SLC6A5: variants seen among roughly 807,000 people sequenced by gnomAD.
SLC6A5 encodes the protein sodium- and chloride-dependent glycine transporter 2.
Under a neutral mutation model 90.5 loss-of-function variants are expected in SLC6A5, and 58 were observed. The observed-to-expected ratio is 0.64, with a 90% confidence interval of 0.52 to 0.80. The LOEUF is 0.80. Among genes scored for constraint, SLC6A5 ranks in the 30% least tolerant of loss-of-function variants. The pLI, the probability that SLC6A5 is intolerant of heterozygous loss-of-function variation, is 0.00. For synonymous variants in SLC6A5, 427 were observed against 401.4 expected, an observed-to-expected ratio of 1.06 and a Z score of -0.76; for missense variants, 1,015 against 1,017.6, an observed-to-expected ratio of 1.00 and a Z score of 0.03.
At chr11:20,613,685 G>A (rs1002582915) in intron 5 of SLC6A5, among the ~76,000 whole-genome samples, 40 of 21,716 alleles carry the variant, frequency 1.8e-3, no homozygotes, top group African/African-American at 2.5e-3. Context: ...AAGAGACAGG[G>A]TCTTGCTTCA....
chr11:20,654,127 A>C (rs1355995281), intron 15 of SLC6A5, among the ~76,000 whole-genome samples: 1 of 152,220 alleles, frequency 6.6e-6, no homozygotes, highest in African/African-American at 2.4e-5. Flanking sequence ...GCAAGAACCC[A>C]CACTGCTGAA....
intron 14 of SLC6A5, among the ~76,000 whole-genome samples, chr11:20,649,193 T>G (rs1853477964): frequency 6.6e-6 from 1 of 152,210 alleles, no homozygotes. Context: ...TGTGCTTTAC[T>G]TAGTTTCTAA....
intron 6 of SLC6A5, among the ~76,000 whole-genome samples, chr11:20,615,460 T>C (rs909654418): frequency 3.3e-5 from 5 of 152,100 alleles, no homozygotes; most frequent in African/African-American, 1.2e-4. Context: ...CCTCTGCCTC[T>C]GGGTTCAAGT....
intron 10 of SLC6A5, among the ~76,000 whole-genome samples, chr11:20,633,981 C>T (rs1305808377): frequency 6.6e-6 from 1 of 152,132 alleles, no homozygotes; most frequent in African/African-American, 2.4e-5. Context: ...ACACCATTCT[C>T]CTGCCTCAGC....
At chr11:20,651,499 C>G (rs574906103) in intron 14 of SLC6A5, among the ~76,000 whole-genome samples, 28 of 150,738 alleles carry the variant, frequency 1.9e-4, no homozygotes, top group African/African-American at 6.6e-4. Context: ...GTCTCAAACT[C>G]CTGACCTCAG....
Position 20,646,923 on chromosome 11 carries a change from A to C in SLC6A5, c.2059A>C (p.Thr687Pro), listed in dbSNP as rs769892184. The C allele has an allele frequency of 1.2e-6, 2 of 1,608,576 alleles. No individual in the cohort carries two copies. Among genetic ancestry groups the C allele is most frequent in the East Asian group, 4.5e-5 (2 of 44,828 alleles). ...AGTCTGCTGGGCATTTGTAACCCCAACCATTTTAACCGTAAGGATTTTGCA... is the reference window on the plus strand; with the variant it reads ...AGTCTGCTGGGCATTTGTAACCCCACCCATTTTAACCGTAAGGATTTTGCA... ...WKVCWAFVTP[T>P]ILTFILCFSF... The change falls in exon 14 of 16, where the codon ACC becomes CCC. Residue 687 changes from threonine to proline, a missense_variant. Transcript: ENST00000525748.
chr11:20,630,617 T>G, intron 9 of SLC6A5, 74 bp from the exon 10 acceptor site: 1 of 1,536,382 alleles, frequency 6.5e-7, no homozygotes, highest in Non-Finnish European at 9.0e-7. Context: ...GGGCACACAT[T>G]TGTGTGTCCT....
At position 20,604,299 on chromosome 11, in the gene SLC6A5, G is replaced by T; in HGVS notation, c.554G>T (p.Gly185Val). The T allele has an allele frequency of 6.2e-7, 1 of 1,612,218 alleles. No homozygotes were observed. The highest frequency in any genetic ancestry group is 1.3e-5 in the African/African-American group (1 of 75,020). The change falls in exon 3 of 16, where the codon GGG becomes GTG. Residue 185 changes from glycine (G) to valine (V), a missense_variant. By Grantham distance (109) the Gly-to-Val change is moderately radical (BLOSUM62 -3). Coordinates refer to ENST00000525748, the MANE Select transcript of SLC6A5 (RefSeq NM_004211.5). The part of the protein sequence containing the change: ...ATVATQEDEQ[G>V]DENKARGNWS... Reference sequence around the variant, plus strand: ...TTCCGCCCCCAGGAGGACGAGCAAGGGGATGAGAATAAGGCCCGAGGGAAC... The same window carrying T: ...TTCCGCCCCCAGGAGGACGAGCAAGTGGATGAGAATAAGGCCCGAGGGAAC...
At chr11:20,644,264 T>A (rs1853367586) in intron 13 of SLC6A5, among the ~76,000 whole-genome samples, 1 of 152,214 alleles carries the variant, frequency 6.6e-6, no homozygotes, top group Admixed American at 6.5e-5. Context: ...CTCTGGTAAC[T>A]ACCATTCTGC....
At chr11:20,653,912 G>A (rs965659314) in intron 15 of SLC6A5, among the ~76,000 whole-genome samples, 5 of 152,208 alleles carry the variant, frequency 3.3e-5, no homozygotes, top group African/African-American at 1.2e-4. Flanking sequence ...GGACACAAAG[G>A]TTGCAAACTG....
intron 13 of SLC6A5, among the ~76,000 whole-genome samples, chr11:20,644,357 TTATTTTACTTCGCA>T (rs1169069024): frequency 5.9e-5 from 9 of 152,254 alleles, no homozygotes; most frequent in African/African-American, 1.9e-4. Flanking sequence ...TGTGCCTGGC[TTATTTTACTTCGCA>T]TAATGTCCTC....
At chr11:20,601,691 A>C (rs756940740) in intron 2 of SLC6A5, 26 bp downstream of exon 2, 1 of 1,606,372 alleles carries the variant, frequency 6.2e-7, no homozygotes, top group East Asian at 2.2e-5. Flanking sequence ...TACGGCCCGC[A>C]CAGTGTCCTG....
intron 3 of SLC6A5, among the ~76,000 whole-genome samples, chr11:20,605,231 C>G (rs575409685): frequency 5.3e-5 from 8 of 152,318 alleles, no homozygotes; most frequent in Admixed American, 2.6e-4. Flanking sequence ...CGTCCCACAT[C>G]TTCTCAACCG....
At chr11:20,624,165 T>TA (rs1565279554) in intron 7 of SLC6A5, among the ~76,000 whole-genome samples, 42 of 148,710 alleles carry the variant, frequency 2.8e-4, no homozygotes, top group East Asian at 1.6e-3. Context: ...ATATATATAT[T>TA]TTTTTTGAGA....
At chr11:20,647,459 A>G (rs1020725062) in intron 14 of SLC6A5, among the ~76,000 whole-genome samples, 2 of 143,800 alleles carry the variant, frequency 1.4e-5, no homozygotes, top group African/African-American at 2.6e-5. Context: ...GTTCCTATAT[A>G]TATTTATATA....
rs546904855 is a variant in SLC6A5, at chr11:20,610,936, AG to A, written c.985+3287del. Reference sequence around the variant, plus strand: ...CAAGAATTACTAAAGCTGTCCTTGCAGGGTTAACAAGAATTCTAGACAGAAG... The same window carrying A: ...CAAGAATTACTAAAGCTGTCCTTGCAGGTTAACAAGAATTCTAGACAGAAG... On this transcript the variant is annotated intron_variant, in intron 5 of 15. Coordinates refer to ENST00000525748, the MANE Select transcript of SLC6A5 (RefSeq NM_004211.5). 3.3e-5 allele frequency among the ~76,000 whole-genome samples: 5 copies of A among 152,320 alleles called. No homozygotes were observed. In the East Asian group the frequency reaches 9.6e-4, roughly 29 times the overall value.
At chr11:20,599,974 T>A (rs1852427120) in intron 1 of SLC6A5, among the ~76,000 whole-genome samples, 1 of 152,074 alleles carries the variant, frequency 6.6e-6, no homozygotes, top group African/African-American at 2.4e-5. Context: ...TTGCTCTGGG[T>A]CCTAGAGGCT....
intron 14 of SLC6A5, among the ~76,000 whole-genome samples, chr11:20,651,564 C>T (rs1181225032): frequency 2.0e-5 from 3 of 151,602 alleles, no homozygotes; most frequent in African/African-American, 2.4e-5. Flanking sequence ...TGAGCCACTG[C>T]GCCTGGCCTG....
chr11:20,657,892 A>T lies in SLC6A5; in HGVS notation c.*3024A>T, dbSNP rs1228516913. 1 of 152,236 alleles carries T rather than the reference A, an allele frequency of 6.6e-6. No individual in the cohort carries two copies. Among genetic ancestry groups the T allele is most frequent in the African/African-American group, 2.4e-5 (1 of 41,456 alleles). 9.4% of individuals were successfully genotyped at this position (152,236 alleles called of 1,614,324 possible). On this transcript the variant is annotated 3_prime_UTR_variant, in exon 16 of 16. Transcript: ENST00000525748. ...TATTATCTTTAGGACTGTGCTTATC[A>T]GGTACAAATGTGTCTAGTTCTGTTT...
Sources: allele counts gnomAD v4.1 joint callset (sites outside exome capture counted in the v4.1 genomes callset), GRCh38; gene constraint gnomAD v4.1.1; transcripts MANE v1.5; gene names NCBI Gene and HGNC (gene_info 2026-07-23, HGNC 2026-07-21).